Variants in CAMKMT observed in about 807,000 individuals in gnomAD.
CAMKMT encodes calmodulin-lysine N-methyltransferase.
CAMKMT carries 53 observed loss-of-function variants against 48.0 expected under a neutral mutation model. The observed-to-expected ratio is 1.10, with a 90% confidence interval of 0.89 to 1.39. CAMKMT has a LOEUF of 1.39. CAMKMT is among the 40% of genes most tolerant of loss of function. The probability of loss-of-function intolerance (pLI) is 0.00; values close to 1 mark genes in which losing one functional copy is unlikely to be tolerated. For synonymous variants in CAMKMT, 165 were observed against 152.3 expected, an observed-to-expected ratio of 1.08 and a Z score of -0.61; for missense variants, 428 against 402.7, an observed-to-expected ratio of 1.06 and a Z score of -0.54.
At chr2:44,545,961 T>C (rs1014510985) in intron 3 of CAMKMT, among the ~76,000 whole-genome samples, 2 of 152,052 alleles carry the variant, frequency 1.3e-5, no homozygotes, top group Non-Finnish European at 2.9e-5. Flanking sequence ...CCTTCTCTTA[T>C]CAGAGGAAAA....
chr2:44,632,401 T>G (rs555333986), intron 3 of CAMKMT, among the ~76,000 whole-genome samples: 1 of 152,222 alleles, frequency 6.6e-6, no homozygotes, highest in Non-Finnish European at 1.5e-5. Flanking sequence ...GGCGTTAGTT[T>G]ATTTTTCAAA....
chr2:44,752,793 G>T (rs1680206631), intron 8 of CAMKMT, among the ~76,000 whole-genome samples: 1 of 152,144 alleles, frequency 6.6e-6, no homozygotes, highest in Non-Finnish European at 1.5e-5. Flanking sequence ...ATGGCAGAAG[G>T]CAGGAGGGCA....
intron 3 of CAMKMT, among the ~76,000 whole-genome samples, chr2:44,423,204 G>A (rs1443641473): frequency 6.6e-6 from 1 of 151,850 alleles, no homozygotes. Flanking sequence ...TTTTGAGACA[G>A]AGTCTCCCTC....
chr2:44,387,309 G>A (rs572714287), intron 2 of CAMKMT, among the ~76,000 whole-genome samples: 4 of 151,832 alleles, frequency 2.6e-5, no homozygotes, highest in Admixed American at 6.5e-5. Flanking sequence ...TTTAAGGTTT[G>A]TTTTGTCTGA....
chr2:44,488,114 T>C (rs1174082207), intron 3 of CAMKMT, among the ~76,000 whole-genome samples: 1 of 152,228 alleles, frequency 6.6e-6, no homozygotes, highest in Admixed American at 6.5e-5. Context: ...CTCATACCAA[T>C]ATCAATGACA....
At chr2:44,387,500 C>T (rs1402799228) in intron 2 of CAMKMT, among the ~76,000 whole-genome samples, 1 of 152,020 alleles carries the variant, frequency 6.6e-6, no homozygotes, top group Non-Finnish European at 1.5e-5. Context: ...AGCGTTTAGG[C>T]TATTTACATT....
rs746830495 is a variant in CAMKMT, at chr2:44,706,330, G to T, written c.481G>T (p.Ala161Ser). 4 of 1,613,342 alleles carry T rather than the reference G, an allele frequency of 2.5e-6. No homozygotes were observed. The highest frequency in any genetic ancestry group is 3.4e-6 in the Non-Finnish European group (4 of 1,179,504). Reference sequence around the variant, plus strand: ...GCTAGGGGGTGGCATGACATGCTTGGCTGGGCTCATGGTAGGTCTTTTCTC... The same window carrying T: ...GCTAGGGGGTGGCATGACATGCTTGTCTGGGCTCATGGTAGGTCTTTTCTC... ...CELGGGMTCL[A>S]GLMVAISADV... The change falls in exon 5 of 11, where the codon GCT (alanine) becomes TCT (serine). Residue 161 changes from alanine (A) to serine (S), a missense_variant. Coordinates refer to ENST00000378494, the MANE Select transcript of CAMKMT (RefSeq NM_024766.5).
At chr2:44,601,895 C>T (rs1485998202) in intron 3 of CAMKMT, among the ~76,000 whole-genome samples, 1 of 151,986 alleles carries the variant, frequency 6.6e-6, no homozygotes, top group African/African-American at 2.4e-5. Flanking sequence ...AATAGCTTAA[C>T]ATATGTCCTT....
chr2:44,397,077 A>G (rs1435601865), intron 3 of CAMKMT, among the ~76,000 whole-genome samples: 2 of 150,068 alleles, frequency 1.3e-5, no homozygotes, highest in Non-Finnish European at 3.0e-5. Flanking sequence ...AAAAAAAAAG[A>G]AAAAGTACAC....
chr2:44,513,675 T>G (rs1670682672), intron 3 of CAMKMT, among the ~76,000 whole-genome samples: 2 of 152,288 alleles, frequency 1.3e-5, no homozygotes, highest in South Asian at 4.2e-4. Context: ...TTTCCCTTCT[T>G]GGGTAGGAGC....
chr2:44,429,985 G>A (rs1358149808), intron 3 of CAMKMT, among the ~76,000 whole-genome samples: 2 of 151,906 alleles, frequency 1.3e-5, no homozygotes, highest in Non-Finnish European at 2.9e-5. Context: ...AAAATAATTA[G>A]TAATCCAGGA....
intron 3 of CAMKMT, among the ~76,000 whole-genome samples, chr2:44,609,632 C>G (rs970731120): frequency 2.6e-5 from 4 of 152,200 alleles, no homozygotes; most frequent in African/African-American, 9.6e-5. Flanking sequence ...TTACTAAGTG[C>G]TTCTTGACCA....
chr2:44,646,618 C>T (rs905692553), intron 3 of CAMKMT, among the ~76,000 whole-genome samples: 5 of 152,182 alleles, frequency 3.3e-5, no homozygotes, highest in African/African-American at 9.6e-5. Flanking sequence ...CCAGCCTGTT[C>T]TTTAAGCTAG....
chr2:44,423,374 G>T (rs1085452), intron 3 of CAMKMT, among the ~76,000 whole-genome samples: 111,490 of 151,832 alleles, frequency 0.73, 41,783 homozygotes, highest in African/African-American at 0.83. Context: ...GAGACGGGGT[G>T]TTACCATATT....
intron 9 of CAMKMT, among the ~76,000 whole-genome samples, chr2:44,754,873 T>G (rs1680302214): frequency 6.6e-6 from 1 of 151,872 alleles, no homozygotes; most frequent in South Asian, 2.1e-4. Context: ...ACCTTATAAC[T>G]ATGTAAGACT....
At chr2:44,739,434 ATT>A (rs1679545398) in intron 7 of CAMKMT, among the ~76,000 whole-genome samples, 3 of 152,236 alleles carry the variant, frequency 2.0e-5, no homozygotes, top group Non-Finnish European at 2.9e-5. Flanking sequence ...GAAAGATGGA[ATT>A]ACCAATAACG....
At chr2:44,544,716 A>G (rs957412570) in intron 3 of CAMKMT, among the ~76,000 whole-genome samples, 1 of 152,164 alleles carries the variant, frequency 6.6e-6, no homozygotes, top group Non-Finnish European at 1.5e-5. Context: ...GCACCTGTTC[A>G]TTTTCTCTCA....
intron 3 of CAMKMT, among the ~76,000 whole-genome samples, chr2:44,636,139 A>T (rs145958992): frequency 1.7e-4 from 26 of 152,304 alleles, no homozygotes; most frequent in Non-Finnish European, 3.1e-4. Context: ...ATTCATCCAT[A>T]TTATACCTGG....
chr2:44,685,685 G>C (rs771890635), intron 3 of CAMKMT, among the ~76,000 whole-genome samples: 11 of 152,164 alleles, frequency 7.2e-5, no homozygotes, highest in African/African-American at 2.7e-4. Flanking sequence ...AATGACCTCT[G>C]ACTTCTTTGT....
Sources: allele counts gnomAD v4.1 joint callset (sites outside exome capture counted in the v4.1 genomes callset), GRCh38; gene constraint gnomAD v4.1.1; transcripts MANE v1.5; gene names NCBI Gene and HGNC (gene_info 2026-07-23, HGNC 2026-07-21).